Variants in DNAJC7 observed in about 807,000 individuals in gnomAD.
The protein encoded by DNAJC7 is DnaJ heat shock protein family (Hsp40) member C7, also known as dnaJ homolog subfamily C member 7.
In DNAJC7, 18 loss-of-function variants were observed where a neutral mutation model predicts 67.4. That is an observed-to-expected ratio of 0.27 (90% CI 0.18 to 0.40). The LOEUF is 0.40. Ranked by LOEUF, DNAJC7 falls within the 10% of genes least tolerant of loss-of-function variation. The probability of loss-of-function intolerance (pLI) is 1.00; values close to 1 mark genes in which losing one functional copy is unlikely to be tolerated. For synonymous variants in DNAJC7, 220 were observed against 207.8 expected, an observed-to-expected ratio of 1.06 and a Z score of -0.50; for missense variants, 419 against 613.8, an observed-to-expected ratio of 0.68 and a Z score of 3.35.
intron 2 of DNAJC7, among the ~76,000 whole-genome samples, chr17:41,998,608 T>G (rs113289371): frequency 3.9e-5 from 6 of 152,328 alleles, no homozygotes; most frequent in African/African-American, 1.4e-4. Context: ...GGCAGCTTAT[T>G]AATCTTAATG....
intron 12 of DNAJC7, among the ~76,000 whole-genome samples, chr17:41,981,219 CAA>C (rs1300135862): frequency 1.3e-5 from 2 of 151,656 alleles, no homozygotes; most frequent in African/African-American, 2.4e-5. Context: ...TTAATTGAGA[CAA>C]AGTCTTGCTC....
intron 9 of DNAJC7, chr17:41,984,299 CTTT>C (rs67739063): frequency 3.3e-5 from 4 of 120,448 alleles, no homozygotes; most frequent in Non-Finnish European, 3.5e-5. Flanking sequence ...ATTGCGAGAT[CTTT>C]TTTTTTTTTT....
intron 1 of DNAJC7, among the ~76,000 whole-genome samples, chr17:42,007,128 T>A (rs1205812027): frequency 1.3e-5 from 2 of 151,788 alleles, no homozygotes; most frequent in Non-Finnish European, 2.9e-5. Context: ...AAGAAAAAGA[T>A]ACTTTTCTTT....
At chr17:42,007,246 T>C (rs782075874) in intron 1 of DNAJC7, among the ~76,000 whole-genome samples, 13 of 152,204 alleles carry the variant, frequency 8.5e-5, no homozygotes, top group Non-Finnish European at 1.8e-4. Context: ...TCTATGATTG[T>C]TGTGCTCCAT....
chr17:41,977,306 T>C lies in DNAJC7; in HGVS notation c.1402A>G (p.Ile468Val), dbSNP rs192490174. The C allele has an allele frequency of 1.7e-4, 263 of 1,583,170 alleles. 4 individuals are homozygous for C. The East Asian group carries it at 6.0e-3, about 36-fold the overall frequency. The change falls in exon 13 of 14, where the codon ATC becomes GTC. Residue 468 changes from isoleucine (I) to valine (V), a missense_variant. By Grantham distance (29) the Ile-to-Val change is conservative (BLOSUM62 3). Transcript: ENST00000457167. Reference protein sequence around the residue: ...MNMGDFDPNNIFKAFFGGPGG... With the variant: ...MNMGDFDPNNVFKAFFGGPGG... Reference sequence around the variant, plus strand: ...GGACCGCCAAAGAATGCCTTGAAGATATTGTTTGGATCAAAATCTGTAGAG... The same window carrying C: ...GGACCGCCAAAGAATGCCTTGAAGACATTGTTTGGATCAAAATCTGTAGAG...
intron 13 of DNAJC7, 119 bp from the exon 14 acceptor site, chr17:41,976,889 A>G (rs2143069692): frequency 2.3e-6 from 3 of 1,288,362 alleles, no homozygotes; most frequent in South Asian, 2.9e-5. Context: ...GAGAAACTCT[A>G]TGGGTATCAA....
At chr17:41,994,631 AG>A in intron 5 of DNAJC7, among the ~76,000 whole-genome samples, 1 of 152,138 alleles carries the variant, frequency 6.6e-6, no homozygotes, top group African/African-American at 2.4e-5. Context: ...CATCAACAAT[AG>A]AAACAAACTC....
intron 1 of DNAJC7, among the ~76,000 whole-genome samples, chr17:42,006,368 A>G (rs1324597763): frequency 6.6e-6 from 1 of 150,674 alleles, no homozygotes; most frequent in Non-Finnish European, 1.5e-5. Flanking sequence ...TTATTTATTT[A>G]ATTTTTGGGA....
intron 2 of DNAJC7, among the ~76,000 whole-genome samples, chr17:41,997,633 G>T (rs1555648877): frequency 6.6e-6 from 1 of 151,896 alleles, no homozygotes; most frequent in African/African-American, 2.4e-5. Flanking sequence ...AACTTAGAGG[G>T]CATCTCCCTC....
At chr17:42,001,305 T>C (rs2051800681) in intron 1 of DNAJC7, among the ~76,000 whole-genome samples, 1 of 152,188 alleles carries the variant, frequency 6.6e-6, no homozygotes, top group Non-Finnish European at 1.5e-5. Context: ...CAGTACCTTA[T>C]ATATTCAGCA....
chr17:41,978,863 G>A (rs1035321823), intron 12 of DNAJC7, among the ~76,000 whole-genome samples: 3 of 152,172 alleles, frequency 2.0e-5, no homozygotes, highest in Admixed American at 1.3e-4. Context: ...CTGGGCGACA[G>A]AGTGAGACTC....
chr17:41,993,267 GGCTA>G lies in DNAJC7; in HGVS notation c.480+1599_480+1602del, dbSNP rs368417155. ...AAGGTCAGGAGATCAAGACCATCCT[GGCTA>G]ACACGGTGAAACCCTGTCTCTACTA... On this transcript the variant is annotated intron_variant, in intron 5 of 13. Transcript: ENST00000457167. Among the ~76,000 whole-genome samples, 16 of 152,066 alleles carry G rather than the reference GGCTA, an allele frequency of 1.1e-4. No individual in the cohort carries two copies. In the East Asian group the frequency reaches 3.1e-3, roughly 30 times the overall value.
At chr17:41,979,437 C>T (rs1452660964) in intron 12 of DNAJC7, among the ~76,000 whole-genome samples, 44 of 151,836 alleles carry the variant, frequency 2.9e-4, no homozygotes, top group Admixed American at 2.9e-3. Flanking sequence ...TTTGGGAGGC[C>T]AAGGCCAGTA....
At chr17:42,010,862 T>G (rs2052098120) in intron 1 of DNAJC7, among the ~76,000 whole-genome samples, 1 of 152,178 alleles carries the variant, frequency 6.6e-6, no homozygotes, top group Non-Finnish European at 1.5e-5. Flanking sequence ...GAGTCATATA[T>G]TCCTCCTATT....
intron 9 of DNAJC7, among the ~76,000 whole-genome samples, chr17:41,986,430 C>T (rs2051381833): frequency 6.6e-6 from 1 of 152,016 alleles, no homozygotes. Flanking sequence ...CTCTTCCCAT[C>T]CCCTGGCATT....
At chr17:41,999,505 C>A (rs2051749971) in intron 2 of DNAJC7, among the ~76,000 whole-genome samples, 1 of 151,978 alleles carries the variant, frequency 6.6e-6, no homozygotes, top group Non-Finnish European at 1.5e-5. Flanking sequence ...CAGAGAGAAG[C>A]TACTTTTCTC....
At chr17:42,016,612 C>T (rs1437105824) in intron 1 of DNAJC7, 1 of 152,830 alleles carries the variant, frequency 6.5e-6, no homozygotes, top group African/African-American at 2.4e-5. Context: ...GCTAGTCCGA[C>T]TGGCAATCTC....
chr17:42,013,793 A>G (rs2052182821), intron 1 of DNAJC7: 1 of 152,220 alleles, frequency 6.6e-6, no homozygotes, highest in Admixed American at 6.5e-5. Context: ...AACAGAGCCT[A>G]ATGTTTATTC....
intron 1 of DNAJC7, chr17:42,011,626 T>A (rs1437554035): frequency 6.6e-6 from 1 of 152,234 alleles, no homozygotes; most frequent in Non-Finnish European, 1.5e-5. Context: ...CACATCTGAC[T>A]ACACTTAGTG....
Sources: allele counts gnomAD v4.1 joint callset (sites outside exome capture counted in the v4.1 genomes callset), GRCh38; gene constraint gnomAD v4.1.1; transcripts MANE v1.5; gene names NCBI Gene and HGNC (gene_info 2026-07-23, HGNC 2026-07-21).